The following NLRP5 variants were observed in gnomAD, a reference collection of about 807,000 sequenced individuals.
NLRP5 encodes the protein NLR family pyrin domain containing 5, also known as NACHT, LRR and PYD domains-containing protein 5.
Under a neutral mutation model 113.1 loss-of-function variants are expected in NLRP5, and 93 were observed. The ratio of observed to expected loss-of-function variants is 0.82; its 90% CI spans 0.70 to 0.98. The LOEUF (loss-of-function observed/expected upper bound fraction) is 0.98. NLRP5 is among the 50% of genes least tolerant of loss of function. The probability of loss-of-function intolerance (pLI) is 0.00; values close to 1 mark genes in which losing one functional copy is unlikely to be tolerated. For synonymous variants in NLRP5, 751 were observed against 600.7 expected (o/e 1.25, Z -3.66); for missense variants, 1,808 against 1,514.3 (o/e 1.19, Z -3.22).
intron 11 of NLRP5, among the ~76,000 whole-genome samples, chr19:56,047,338 G>A (rs908076263): frequency 3.9e-5 from 6 of 152,118 alleles, no homozygotes; most frequent in Non-Finnish European, 5.9e-5. Flanking sequence ...TATAGTATCA[G>A]TTGATGCTCT....
At chr19:56,043,741 T>G (rs1017412901) in intron 11 of NLRP5, among the ~76,000 whole-genome samples, 10 of 151,150 alleles carry the variant, frequency 6.6e-5, no homozygotes. Context: ...CCCGGCTAAT[T>G]TTTTTGTGTG....
At chr19:56,016,896 C>T (rs1982425070) in intron 4 of NLRP5, among the ~76,000 whole-genome samples, 1 of 152,126 alleles carries the variant, frequency 6.6e-6, no homozygotes, top group Non-Finnish European at 1.5e-5. Context: ...GCAAGCTCCG[C>T]CTCCTGGGTT....
chr19:56,041,875 C>T (rs542144471), intron 11 of NLRP5, among the ~76,000 whole-genome samples: 210 of 152,252 alleles, frequency 1.4e-3, no homozygotes, highest in African/African-American at 4.9e-3. Flanking sequence ...CTTGAACCTG[C>T]GAGGTGGAGG....
chr19:55,998,724 A>ATGTGTG, upstream of NLRP5, among the ~76,000 whole-genome samples: 1 of 139,650 alleles, frequency 7.2e-6, no homozygotes, highest in Non-Finnish European at 1.5e-5. Flanking sequence ...GTATATATAT[A>ATGTGTG]TATATGTGTA....
intron 3 of NLRP5, among the ~76,000 whole-genome samples, chr19:56,010,752 AAAAGTCC>A (rs1982154218): frequency 8.4e-6 from 1 of 119,002 alleles, no homozygotes; most frequent in South Asian, 2.7e-4. Context: ...CAAAAAAAAA[AAAAGTCC>A]CTTGAAACTA....
In NLRP5 at chr19:56,058,414, A is replaced by G; in HGVS notation, c.3470+4A>G. ...CGTCTAACTTACAGATAATTGGGTA[A>G]GTCGCCAGCAATTGTCTTCTGAGAT... On this transcript the variant is annotated splice_donor_region_variant and intron_variant, in intron 14 of 14. Transcript: ENST00000390649. 1 of 1,607,798 alleles carries G rather than the reference A, an allele frequency of 6.2e-7. No homozygotes were observed. Among genetic ancestry groups the G allele is most frequent in the Non-Finnish European group, 8.5e-7 (1 of 1,176,680 alleles).
At chr19:56,043,527 G>T (rs1983596971) in intron 11 of NLRP5, among the ~76,000 whole-genome samples, 2 of 104,434 alleles carry the variant, frequency 1.9e-5, no homozygotes, top group Admixed American at 1.0e-4. Flanking sequence ...TGGATTGTCT[G>T]TTTACTCTGC....
intron 11 of NLRP5, among the ~76,000 whole-genome samples, chr19:56,045,224 G>T (rs892358691): frequency 3.9e-4 from 59 of 152,218 alleles, no homozygotes; most frequent in African/African-American, 1.4e-3. Flanking sequence ...CTCTGGCTAG[G>T]ACTTCCAGTA....
chr19:56,007,491 G>A lies in NLRP5; in HGVS notation c.443-1297G>A, dbSNP rs563227951. ...GGAGTTGGCGGAGTTGCCTGAGCATGGTAGAGAAAAACATTCTGAGCATAA... is the reference window on the plus strand; with the variant it reads ...GGAGTTGGCGGAGTTGCCTGAGCATAGTAGAGAAAAACATTCTGAGCATAA... On this transcript the variant is annotated intron_variant, in intron 2 of 14. Coordinates refer to ENST00000390649, the MANE Select transcript of NLRP5 (RefSeq NM_153447.4). Among the ~76,000 whole-genome samples the A allele has an allele frequency of 1.5e-3, 232 of 151,168 alleles. 13 individuals are homozygous for A. Among genetic ancestry groups the A allele is most frequent in the African/African-American group, 4.9e-3 (197 of 40,586 alleles).
In NLRP5 at chr19:56,027,817, G is replaced by A; in HGVS notation, c.1584G>A (p.Leu528=). The A allele has an allele frequency of 6.2e-7, 1 of 1,614,012 alleles. No homozygotes were observed. The highest frequency in any genetic ancestry group is 2.2e-5 in the East Asian group (1 of 44,880). Residue 528 remains leucine (L), a synonymous_variant, in exon 7 of 15, where the codon CTG becomes CTA. Transcript: ENST00000390649. ...TCAATCTGGAGGAAAGAGTTGTCCTGAAGCGCTTCTGCCGTATGGCTGTGG... is the reference window on the plus strand; with the variant it reads ...TCAATCTGGAGGAAAGAGTTGTCCTAAAGCGCTTCTGCCGTATGGCTGTGG...
chr19:56,056,781 T>A (rs892556414), intron 13 of NLRP5, among the ~76,000 whole-genome samples: 2 of 152,168 alleles, frequency 1.3e-5, no homozygotes, highest in Non-Finnish European at 2.9e-5. Flanking sequence ...TTCAATCTTA[T>A]CTCACCATCT....
At chr19:56,049,129 G>A (rs1983836446) in intron 11 of NLRP5, among the ~76,000 whole-genome samples, 1 of 149,300 alleles carries the variant, frequency 6.7e-6, no homozygotes, top group African/African-American at 2.4e-5. Flanking sequence ...CTACAGGTGT[G>A]TGCCGCCACA....
At chr19:56,005,859 T>A (rs947246307) in intron 2 of NLRP5, among the ~76,000 whole-genome samples, 1 of 152,174 alleles carries the variant, frequency 6.6e-6, no homozygotes, top group African/African-American at 2.4e-5. Flanking sequence ...ACCATCTGAC[T>A]CTCAACCCCA....
intron 3 of NLRP5, among the ~76,000 whole-genome samples, chr19:56,015,084 T>C (rs1201020434): frequency 6.6e-6 from 1 of 152,220 alleles, no homozygotes; most frequent in Non-Finnish European, 1.5e-5. Flanking sequence ...TAATTTTTTT[T>C]GGTTACGTTT....
At chr19:55,999,881 G>C in intron 1 of NLRP5, 1 of 886,230 alleles carries the variant, frequency 1.1e-6, no homozygotes, top group Admixed American at 1.7e-5. Context: ...GCTGCTGTCT[G>C]CTGCAATGTT....
Position 56,058,272 on chromosome 19 carries a change from G to C in NLRP5, c.3332G>C (p.Cys1111Ser). 2.5e-6 allele frequency: 4 copies of C among 1,613,924 alleles called. No individual in the cohort carries two copies. The Middle Eastern group carries it at 4.9e-4, about 200-fold the overall frequency. The change falls in exon 14 of 15, where the codon TGT becomes TCT. Residue 1111 changes from cysteine (C) to serine (S), a missense_variant. Transcript: ENST00000390649. ...GCATGTGGACTGACTTCTGATTGCT[G>C]TGAGGCACTCTCCTTGGCCCTTTCC...
At chr19:56,025,185 T>C (rs1982790625) in intron 6 of NLRP5, among the ~76,000 whole-genome samples, 1 of 152,184 alleles carries the variant, frequency 6.6e-6, no homozygotes, top group Non-Finnish European at 1.5e-5. Context: ...TTTCATTATA[T>C]ATTACAATGT....
chr19:55,996,431 C>G (rs568454509), upstream of NLRP5, among the ~76,000 whole-genome samples: 3 of 151,898 alleles, frequency 2.0e-5, no homozygotes, highest in African/African-American at 7.3e-5. Context: ...ATACATGTGC[C>G]CTGTTGGTGT....
upstream of NLRP5, among the ~76,000 whole-genome samples, chr19:55,999,321 T>A (rs199475757): frequency 6.6e-6 from 1 of 151,416 alleles, no homozygotes; most frequent in East Asian, 1.9e-4. Flanking sequence ...TTCAAGTGAT[T>A]CTTCTGCCTC....
Sources: allele counts gnomAD v4.1 joint callset (sites outside exome capture counted in the v4.1 genomes callset), GRCh38; gene constraint gnomAD v4.1.1; transcripts MANE v1.5; gene names NCBI Gene and HGNC (gene_info 2026-07-23, HGNC 2026-07-21).